Variants in AKAIN1 observed in about 807,000 individuals in gnomAD.
AKAIN1 encodes the protein A-kinase anchor inhibitor 1.
AKAIN1 carries 3 observed loss-of-function variants against 3.7 expected under a neutral mutation model. That is an observed-to-expected ratio of 0.82 (90% CI 0.37 to 2.12). The LOEUF is 2.12. Among genes scored for constraint, AKAIN1 ranks in the 30% most tolerant of loss-of-function variants. AKAIN1 has a pLI of 0.06. For synonymous variants in AKAIN1, 31 were observed against 30.8 expected (o/e 1.01, Z -0.02); for missense variants, 82 against 82.7 (o/e 0.99, Z 0.03).
At chr18:5,173,292 T>C (rs1056086618) in intron 1 of AKAIN1, among the ~76,000 whole-genome samples, 3 of 152,156 alleles carry the variant, frequency 2.0e-5, no homozygotes, top group African/African-American at 7.2e-5. Flanking sequence ...TTTTTGTATG[T>C]GTTACATTTT....
intron 1 of AKAIN1, among the ~76,000 whole-genome samples, chr18:5,185,588 A>T (rs1027301639): frequency 6.6e-5 from 10 of 152,202 alleles, no homozygotes; most frequent in Non-Finnish European, 1.3e-4. Flanking sequence ...CAATAAGCAC[A>T]TAAAAAATGC....
At chr18:5,156,612 T>G (rs2071109958) in intron 1 of AKAIN1, among the ~76,000 whole-genome samples, 1 of 152,236 alleles carries the variant, frequency 6.6e-6, no homozygotes, top group South Asian at 2.1e-4. Context: ...GAAGAGGCTA[T>G]GAATTCAGTA....
intron 1 of AKAIN1, among the ~76,000 whole-genome samples, chr18:5,174,648 C>T (rs554198222): frequency 1.2e-4 from 18 of 151,968 alleles, no homozygotes; most frequent in South Asian, 4.2e-4. Flanking sequence ...GGCTGAGGCA[C>T]GAGAATCGCT....
chr18:5,180,570 G>A (rs2071252238), intron 1 of AKAIN1, among the ~76,000 whole-genome samples: 1 of 152,116 alleles, frequency 6.6e-6, no homozygotes, highest in Non-Finnish European at 1.5e-5. Context: ...TATTTTTAGA[G>A]TAAAGTAACT....
chr18:5,173,582 A>G (rs2143353444), intron 1 of AKAIN1, among the ~76,000 whole-genome samples: 1 of 152,308 alleles, frequency 6.6e-6, no homozygotes, highest in Admixed American at 6.5e-5. Context: ...TCAGCGCCCC[A>G]GAGGGCAGGG....
Position 5,178,924 on chromosome 18 carries a change from T to C in AKAIN1, c.16+18114A>G, listed in dbSNP as rs562695911. ...AATATATTTGCAATCAGATAAAAAT[T>C]CTGCCCCTTTAAAGGTATTGGTATG... is the stretch of plus-strand genomic sequence containing the variant. On this transcript the variant is annotated intron_variant, in intron 1 of 1. Coordinates refer to ENST00000434239, the MANE Select transcript of AKAIN1 (RefSeq NM_001145194.2). Among the ~76,000 whole-genome samples, 112 of 152,310 alleles carry C rather than the reference T, an allele frequency of 7.4e-4. No individual in the cohort carries two copies. In the South Asian group the frequency reaches 0.021, roughly 28 times the overall value.
At chr18:5,165,556 A>T (rs1316043397) in intron 1 of AKAIN1, among the ~76,000 whole-genome samples, 3 of 152,070 alleles carry the variant, frequency 2.0e-5, no homozygotes, top group Non-Finnish European at 2.9e-5. Context: ...TTCTAATATG[A>T]TCACTTGTTC....
At chr18:5,172,524 AT>A (rs2071203737) in intron 1 of AKAIN1, among the ~76,000 whole-genome samples, 1 of 152,072 alleles carries the variant, frequency 6.6e-6, no homozygotes, top group Admixed American at 6.6e-5. Flanking sequence ...TGGCATTGCA[AT>A]GTGCATCTTA....
In AKAIN1 at chr18:5,144,268, C is replaced by T. The variant is rs1159037043; in HGVS notation, c.*1294G>A. On this transcript the variant is annotated 3_prime_UTR_variant, in exon 2 of 2. Coordinates refer to ENST00000434239, the MANE Select transcript of AKAIN1 (RefSeq NM_001145194.2). The stretch of plus-strand genomic sequence containing the variant: ...ATCTTAATATCAGTCACAATTTATA[C>T]CCGAATACTTTGCTTTAAAAAAAAA... Among the ~76,000 whole-genome samples, 2 of 152,116 alleles carry T rather than the reference C, an allele frequency of 1.3e-5. No individual in the cohort carries two copies. Among genetic ancestry groups the T allele is most frequent in the Admixed American group, 6.6e-5 (1 of 15,264 alleles).
At chr18:5,157,933 A>G in intron 1 of AKAIN1, among the ~76,000 whole-genome samples, 1 of 152,078 alleles carries the variant, frequency 6.6e-6, no homozygotes, top group Non-Finnish European at 1.5e-5. Context: ...GCCTCAAGTG[A>G]TCCTCCTGCT....
intron 1 of AKAIN1, among the ~76,000 whole-genome samples, chr18:5,194,482 A>G (rs1374208557): frequency 1.3e-5 from 2 of 152,244 alleles, no homozygotes; most frequent in Middle Eastern, 3.2e-3. Context: ...AATAGGGTTA[A>G]TAAAGTCTCA....
Position 5,192,438 on chromosome 18 carries a change from T to C in AKAIN1, c.16+4600A>G, listed in dbSNP as rs1195545190. On this transcript the variant is annotated intron_variant, in intron 1 of 1. Transcript: ENST00000434239. ...CTTTCTTTCTTTCTTTCTTTCTTTC[T>C]TTCTTTCTTTTTCTTTTCTTTGGTA... 3.6e-5 allele frequency among the ~76,000 whole-genome samples: 4 copies of C among 112,170 alleles called. No homozygotes were observed. The East Asian group carries it at 1.4e-3, about 39-fold the overall frequency. The allele number at this position is 112,170 out of a possible 152,430, so 73.6% of individuals were successfully genotyped here. A position where few individuals can be genotyped will look rare whatever the true frequency, so the allele number is the denominator to read the frequency against.
chr18:5,176,639 A>G (rs1164980193), intron 1 of AKAIN1, among the ~76,000 whole-genome samples: 1 of 152,170 alleles, frequency 6.6e-6, no homozygotes, highest in Non-Finnish European at 1.5e-5. Flanking sequence ...CTGTCAGGAC[A>G]ATGTGAGATT....
chr18:5,164,127 T>G (rs545035244), intron 1 of AKAIN1, among the ~76,000 whole-genome samples: 1 of 151,936 alleles, frequency 6.6e-6, no homozygotes, highest in Non-Finnish European at 1.5e-5. Flanking sequence ...TAGAGCAAGG[T>G]GAAAAAGTAC....
At chr18:5,173,742 G>C (rs2143353692) in intron 1 of AKAIN1, among the ~76,000 whole-genome samples, 1 of 152,246 alleles carries the variant, frequency 6.6e-6, no homozygotes, top group East Asian at 1.9e-4. Flanking sequence ...GTGCAGAGGG[G>C]CTGGTGATCT....
intron 1 of AKAIN1, 106 bp downstream of exon 1, chr18:5,196,932 A>G: frequency 1.9e-6 from 2 of 1,048,444 alleles, no homozygotes; most frequent in Non-Finnish European, 2.9e-6. Flanking sequence ...TAACTCCGAA[A>G]CGCGCAGATG....
chr18:5,156,368 A>C (rs1250921557), intron 1 of AKAIN1, among the ~76,000 whole-genome samples: 1 of 152,256 alleles, frequency 6.6e-6, no homozygotes, highest in Non-Finnish European at 1.5e-5. Context: ...GTGACAAGTC[A>C]TCAGAAAGTG....
At chr18:5,180,430 A>G (rs2071251435) in intron 1 of AKAIN1, among the ~76,000 whole-genome samples, 1 of 152,122 alleles carries the variant, frequency 6.6e-6, no homozygotes, top group Non-Finnish European at 1.5e-5. Flanking sequence ...AGGCAGGTAC[A>G]TGGAGGCGTG....
intron 1 of AKAIN1, among the ~76,000 whole-genome samples, chr18:5,173,426 C>T (rs932045580): frequency 6.6e-6 from 1 of 152,146 alleles, no homozygotes; most frequent in Non-Finnish European, 1.5e-5. Context: ...CAGCTGGCAG[C>T]TCTACTGGGA....
Sources: allele counts gnomAD v4.1 joint callset (sites outside exome capture counted in the v4.1 genomes callset), GRCh38; gene constraint gnomAD v4.1.1; transcripts MANE v1.5; gene names NCBI Gene and HGNC (gene_info 2026-07-23, HGNC 2026-07-21).